The following PAPPA variants were observed in gnomAD, a reference collection of about 807,000 sequenced individuals.
PAPPA encodes pappalysin-1.
A neutral mutation model predicts 164.0 loss-of-function variants in PAPPA; 60 were observed. The ratio of observed to expected loss-of-function variants is 0.37; its 90% CI spans 0.30 to 0.45. The LOEUF (loss-of-function observed/expected upper bound fraction) is 0.45. PAPPA is among the 20% of genes least tolerant of loss of function. PAPPA has a pLI of 1.00. For missense variants in PAPPA, 1,782 were observed against 2,087.3 expected (o/e 0.85, Z 2.85); for synonymous variants, 875 against 814.1 (o/e 1.07, Z -1.27).
chr9:116,286,959 G>A (rs1387368842), intron 9 of PAPPA: 2 of 152,164 alleles, frequency 1.3e-5, no homozygotes, highest in Non-Finnish European at 2.9e-5. Flanking sequence ...GAGCCAGGTT[G>A]TGATCACAGC....
chr9:116,313,804 C>T (rs1845752735), intron 10 of PAPPA, among the ~76,000 whole-genome samples: 1 of 152,086 alleles, frequency 6.6e-6, no homozygotes, highest in Non-Finnish European at 1.5e-5. Context: ...ATTTAAATAG[C>T]CTATTTGTGG....
At chr9:116,219,529 A>T (rs1844416134) in intron 4 of PAPPA, among the ~76,000 whole-genome samples, 1 of 152,128 alleles carries the variant, frequency 6.6e-6, no homozygotes, top group Non-Finnish European at 1.5e-5. Context: ...GAATGAATGA[A>T]TGAATGAATG....
chr9:116,374,185 GTGGTGA>G (rs1846618154), intron 19 of PAPPA, among the ~76,000 whole-genome samples: 5 of 109,326 alleles, frequency 4.6e-5, no homozygotes, highest in South Asian at 7.3e-4. Flanking sequence ...GATGATGATG[GTGGTGA>G]TGATGATGGT....
chr9:116,391,710 A>T (rs987718789), intron 21 of PAPPA, among the ~76,000 whole-genome samples: 47 of 152,340 alleles, frequency 3.1e-4, no homozygotes, highest in African/African-American at 1.1e-3. Flanking sequence ...GCCCTTAATC[A>T]TGGACCTGGC....
intron 17 of PAPPA, among the ~76,000 whole-genome samples, chr9:116,354,899 C>A (rs1337080266): frequency 1.3e-5 from 2 of 151,958 alleles, no homozygotes; most frequent in Non-Finnish European, 2.9e-5. Context: ...CATTTAAGAC[C>A]CTTCCCCCAT....
intron 3 of PAPPA, among the ~76,000 whole-genome samples, chr9:116,210,799 G>A (rs996260431): frequency 2.0e-5 from 3 of 152,102 alleles, no homozygotes; most frequent in Admixed American, 2.0e-4. Flanking sequence ...TCTGGGGTGA[G>A]GCCCGAGATT....
rs1328212316 is a variant in PAPPA, at chr9:116,271,283, A to G, written c.2862-42A>G. ...CTTTTCCATGTCCAGCCATGGTTTTAAGACTAAATTGGCAAATTTCTCTTC... is the reference window on the plus strand; with the variant it reads ...CTTTTCCATGTCCAGCCATGGTTTTGAGACTAAATTGGCAAATTTCTCTTC... On this transcript the variant is annotated intron_variant, in intron 8 of 21. Transcript: ENST00000328252. The surrounding 1 kb of genome is among the most constrained non-coding windows in gnomAD (Gnocchi z 4.2). The G allele has an allele frequency of 1.4e-6, 2 of 1,423,768 alleles. No individual in the cohort carries two copies. Among genetic ancestry groups the G allele is most frequent in the Non-Finnish European group, 2.0e-6 (2 of 1,006,624 alleles). The allele number at this position is 1,423,768 out of a possible 1,614,324, so 88.2% of individuals were successfully genotyped here.
At chr9:116,233,949 G>T (rs968278294) in intron 6 of PAPPA, among the ~76,000 whole-genome samples, 13 of 152,230 alleles carry the variant, frequency 8.5e-5, no homozygotes, top group Admixed American at 7.9e-4. Context: ...AGCTACTCAG[G>T]AGGCTGAGGC....
rs776051066 is a variant in PAPPA, at chr9:116,187,574, C to T, written c.836C>T (p.Thr279Ile). Reference protein sequence around the residue: ...LSDMETHGAHTALPQLLLQEN... With the variant: ...LSDMETHGAHIALPQLLLQEN... ...GACATGGAAACCCATGGCGCCCACA[C>T]TGCTCTACCTCAGCTCCTCCTCCAG... is the stretch of plus-strand genomic sequence containing the variant. The change falls in exon 2 of 22, where the codon ACT becomes ATT. Residue 279 changes from threonine (T) to isoleucine (I), a missense_variant. This residue lies in a region of PAPPA where 458 missense variants were observed against 430.3 expected (regional missense o/e 1.06). Coordinates refer to ENST00000328252, the MANE Select transcript of PAPPA (RefSeq NM_002581.5). This position sits in a 1 kb window ranked among gnomAD's most constrained non-coding sequence, Gnocchi z 4.2. The T allele has an allele frequency of 3.1e-6, 5 of 1,614,226 alleles. No individual in the cohort carries two copies. In the East Asian group the frequency reaches 8.9e-5, roughly 29 times the overall value.
intron 9 of PAPPA, among the ~76,000 whole-genome samples, chr9:116,280,175 C>T (rs1845249853): frequency 6.6e-6 from 1 of 152,070 alleles, no homozygotes; most frequent in Non-Finnish European, 1.5e-5. Flanking sequence ...TTTTTTGATG[C>T]CTGCTGTATG....
chr9:116,156,215 G>C (rs1248265261), intron 1 of PAPPA, among the ~76,000 whole-genome samples: 1 of 150,318 alleles, frequency 6.7e-6, no homozygotes, highest in African/African-American at 2.4e-5. Flanking sequence ...GGTTATGCAG[G>C]CATCATCAGT....
chr9:116,252,084 G>A (rs1010522818), intron 7 of PAPPA, among the ~76,000 whole-genome samples: 13 of 152,196 alleles, frequency 8.5e-5, no homozygotes, highest in Non-Finnish European at 1.9e-4. Context: ...CAAACTGTTA[G>A]TTTTATTAAA....
intron 2 of PAPPA, among the ~76,000 whole-genome samples, chr9:116,191,942 C>T (rs974714078): frequency 1.3e-5 from 2 of 152,086 alleles, no homozygotes; most frequent in African/African-American, 4.8e-5. Flanking sequence ...ACCCCCTTGG[C>T]CTGTAGGGGC....
chr9:116,332,665 C>G (rs1846009698), intron 12 of PAPPA, 197 bp downstream of exon 12: 1 of 524,174 alleles, frequency 1.9e-6, no homozygotes, highest in Non-Finnish European at 3.4e-6. Flanking sequence ...CTGGCAGATA[C>G]AGGGATAAGG....
intron 9 of PAPPA, among the ~76,000 whole-genome samples, chr9:116,285,171 CTTTT>C: frequency 2.2e-5 from 2 of 89,494 alleles, no homozygotes; most frequent in African/African-American, 4.5e-5. Context: ...TTCTTTCTTT[CTTTT>C]TTTTTTTTTT....
At chr9:116,207,833 A>G (rs577997896) in intron 3 of PAPPA, among the ~76,000 whole-genome samples, 2 of 152,318 alleles carry the variant, frequency 1.3e-5, no homozygotes, top group South Asian at 2.1e-4. Flanking sequence ...TGTTTTATCA[A>G]TGGGGAAATG....
rs571416111 is a variant in PAPPA at position 116,350,431 on chromosome 9, A to T, written c.3965-2275A>T. Reference sequence around the variant, plus strand: ...GGGGACATATCCATGGTCCTGAATCACCAGTGCCTGCTTTAGCTGTGGTGC... The same window carrying T: ...GGGGACATATCCATGGTCCTGAATCTCCAGTGCCTGCTTTAGCTGTGGTGC... On this transcript the variant is annotated intron_variant, in intron 15 of 21. Coordinates refer to ENST00000328252, the MANE Select transcript of PAPPA (RefSeq NM_002581.5). Among the ~76,000 whole-genome samples, 4 of 152,284 alleles carry T rather than the reference A, an allele frequency of 2.6e-5. No homozygotes were observed. The South Asian group carries it at 8.3e-4, about 32-fold the overall frequency.
At position 116,398,529 on chromosome 9, in the gene PAPPA, T is replaced by G. The variant is rs532438034; in HGVS notation, c.*1913T>G. 6.1e-4 allele frequency: 762 copies of G among 1,257,622 alleles called. 3 individuals are homozygous for G. Among genetic ancestry groups the G allele is most frequent in the South Asian group, 4.5e-3 (346 of 76,634 alleles). The allele number at this position is 1,257,622 out of a possible 1,614,324, so 77.9% of individuals were successfully genotyped here. On this transcript the variant is annotated 3_prime_UTR_variant, in exon 22 of 22. Transcript: ENST00000328252. ...AAAATAACTTTAGGAACCACCATATTATATCACTCCCAATAGCACTGACCT... is the reference window on the plus strand; with the variant it reads ...AAAATAACTTTAGGAACCACCATATGATATCACTCCCAATAGCACTGACCT...
intron 11 of PAPPA, 29 bp downstream of exon 11, chr9:116,331,386 T>C: frequency 7.5e-7 from 1 of 1,337,074 alleles, no homozygotes; most frequent in South Asian, 1.2e-5. Context: ...AGCTTTGGAA[T>C]CTCCAGCAGC....
Sources: allele counts gnomAD v4.1 joint callset (sites outside exome capture counted in the v4.1 genomes callset), GRCh38; gene constraint gnomAD v4.1.1; regional missense constraint gnomAD v4.1.1; non-coding constraint Gnocchi (gnomAD v3.1); transcripts MANE v1.5; gene names NCBI Gene and HGNC (gene_info 2026-07-23, HGNC 2026-07-21).